The following BABAM2 variants were observed in gnomAD, a reference collection of about 807,000 sequenced individuals.
BABAM2 encodes the protein BRISC and BRCA1-A complex member 2.
In BABAM2, 31 loss-of-function variants were observed where a neutral mutation model predicts 54.7. The observed-to-expected ratio is 0.57, with a 90% confidence interval of 0.43 to 0.77. The LOEUF is 0.77. Ranked by LOEUF, BABAM2 falls within the 30% of genes least tolerant of loss-of-function variation. The pLI is 0.00. For synonymous variants in BABAM2, 167 were observed against 162.9 expected (o/e 1.03, Z -0.19); for missense variants, 364 against 455.8 (o/e 0.80, Z 1.83).
At chr2:28,092,910 G>T (rs1339805420) in intron 6 of BABAM2, among the ~76,000 whole-genome samples, 1 of 152,052 alleles carries the variant, frequency 6.6e-6, no homozygotes, top group Non-Finnish European at 1.5e-5. Context: ...CAGTCCCTGG[G>T]CACATAGCAC....
At chr2:27,930,903 T>C (rs967185001) in intron 3 of BABAM2, among the ~76,000 whole-genome samples, 1 of 152,232 alleles carries the variant, frequency 6.6e-6, no homozygotes, top group African/African-American at 2.4e-5. Flanking sequence ...ATTAAGGTTT[T>C]TCCTATTCCT....
chr2:28,139,339 A>G (rs973842667), intron 7 of BABAM2, among the ~76,000 whole-genome samples: 11 of 149,476 alleles, frequency 7.4e-5, no homozygotes, highest in Non-Finnish European at 1.5e-4. Flanking sequence ...AAAAAAAAAA[A>G]AAAAAAGAAA....
chr2:28,163,821 C>T (rs1013089084), intron 7 of BABAM2, among the ~76,000 whole-genome samples: 71 of 152,228 alleles, frequency 4.7e-4, no homozygotes, highest in African/African-American at 1.7e-3. Flanking sequence ...TGTGATCTAT[C>T]GTCATGGAGA....
At chr2:28,118,652 T>G (rs1224178741) in intron 6 of BABAM2, among the ~76,000 whole-genome samples, 1 of 152,160 alleles carries the variant, frequency 6.6e-6, no homozygotes, top group Non-Finnish European at 1.5e-5. Flanking sequence ...TTTCAAAAAT[T>G]TTCTCCCATT....
At chr2:28,200,405 T>C (rs1170110591) in intron 7 of BABAM2, among the ~76,000 whole-genome samples, 1 of 152,246 alleles carries the variant, frequency 6.6e-6, no homozygotes, top group Non-Finnish European at 1.5e-5. Flanking sequence ...TCTATAAATA[T>C]TAGCTCTCTT....
chr2:27,911,286 T>G (rs1666577010), intron 2 of BABAM2, among the ~76,000 whole-genome samples: 2 of 152,202 alleles, frequency 1.3e-5, no homozygotes, highest in Admixed American at 1.3e-4. Context: ...ATTACATGTC[T>G]TTTTGCAAAT....
At chr2:28,003,740 T>A (rs184440281) in intron 4 of BABAM2, among the ~76,000 whole-genome samples, 1 of 152,318 alleles carries the variant, frequency 6.6e-6, no homozygotes, top group Admixed American at 6.5e-5. Flanking sequence ...TGTATTTATT[T>A]ATTGATAAAA....
chr2:28,142,504 C>T (rs964393811), intron 7 of BABAM2, among the ~76,000 whole-genome samples: 8 of 151,866 alleles, frequency 5.3e-5, no homozygotes, highest in Non-Finnish European at 1.2e-4. Context: ...CCTTTTTTTC[C>T]CTGCATGCAA....
chr2:28,214,030 T>C (rs1679712574), intron 7 of BABAM2, among the ~76,000 whole-genome samples: 1 of 152,144 alleles, frequency 6.6e-6, no homozygotes, highest in South Asian at 2.1e-4. Context: ...GCATCCTTCA[T>C]CTGGCTCCCT....
Position 27,966,532 on chromosome 2 carries a change from C to T in BABAM2, c.206-21461C>T, listed in dbSNP as rs185090980. Reference sequence around the variant, plus strand: ...GCTCTTCAGGTCTTGTTGATCTGACCCCCAAAGCCTTTGATAGTTTCTTGC... The same window carrying T: ...GCTCTTCAGGTCTTGTTGATCTGACTCCCAAAGCCTTTGATAGTTTCTTGC... On this transcript the variant is annotated intron_variant, in intron 3 of 11. Transcript: ENST00000379624. Among the ~76,000 whole-genome samples, 136 of 152,258 alleles carry T rather than the reference C, an allele frequency of 8.9e-4. 1 individual carries two copies. The highest frequency in any genetic ancestry group is 1.6e-3 in the Non-Finnish European group (106 of 68,012).
At chr2:28,201,411 T>G (rs1321981679) in intron 7 of BABAM2, among the ~76,000 whole-genome samples, 2 of 152,180 alleles carry the variant, frequency 1.3e-5, no homozygotes, top group Admixed American at 6.5e-5. Flanking sequence ...TTTATATTTC[T>G]TTTTTTATAT....
intron 7 of BABAM2, among the ~76,000 whole-genome samples, chr2:28,220,909 A>G (rs1263385303): frequency 6.6e-6 from 1 of 152,148 alleles, no homozygotes; most frequent in African/African-American, 2.4e-5. Context: ...GTGACAGAGG[A>G]AGACCCTGTC....
intron 4 of BABAM2, among the ~76,000 whole-genome samples, chr2:27,992,739 T>C (rs1432024386): frequency 1.3e-5 from 2 of 152,184 alleles, no homozygotes; most frequent in African/African-American, 4.8e-5. Context: ...TTCTTTAACT[T>C]GAACTTCTTC....
intron 7 of BABAM2, among the ~76,000 whole-genome samples, chr2:28,156,794 GA>G (rs963324367): frequency 6.6e-6 from 1 of 151,762 alleles, no homozygotes; most frequent in South Asian, 2.1e-4. Context: ...TGGTTGAATT[GA>G]AAAAAAATTG....
chr2:27,916,695 C>T (rs149957896), intron 2 of BABAM2, among the ~76,000 whole-genome samples: 3 of 152,254 alleles, frequency 2.0e-5, no homozygotes, highest in Non-Finnish European at 4.4e-5. Context: ...GACAATTGCC[C>T]ATAACTATTT....
intron 3 of BABAM2, chr2:27,930,388 C>T (rs753378513): frequency 1.3e-5 from 2 of 158,560 alleles, no homozygotes; most frequent in Non-Finnish European, 2.8e-5. Flanking sequence ...TTAGGCATAT[C>T]AACATGTTAT....
At chr2:28,172,265 T>C (rs1674412762) in intron 7 of BABAM2, among the ~76,000 whole-genome samples, 1 of 152,184 alleles carries the variant, frequency 6.6e-6, no homozygotes, top group Non-Finnish European at 1.5e-5. Context: ...TCCCTATCTT[T>C]AATTGTTCCA....
intron 5 of BABAM2, among the ~76,000 whole-genome samples, chr2:28,030,707 A>G (rs1314999129): frequency 1.3e-5 from 2 of 152,186 alleles, no homozygotes; most frequent in African/African-American, 4.8e-5. Context: ...TTTTTGAATC[A>G]GGGACTGTAT....
chr2:28,063,272 C>CCAATATAA (rs1679052021), intron 6 of BABAM2, among the ~76,000 whole-genome samples: 1 of 152,228 alleles, frequency 6.6e-6, no homozygotes, highest in Non-Finnish European at 1.5e-5. Context: ...CTAGACAGCA[C>CCAATATAA]TGTCCAGTAC....
Sources: gnomAD v4.1 joint callset for allele counts (sites outside exome capture counted in the v4.1 genomes callset) on GRCh38, gnomAD v4.1.1 for gene constraint, MANE v1.5 for transcripts, NCBI Gene and HGNC (gene_info 2026-07-23, HGNC 2026-07-21) for gene names.